The following HIP1 variants were observed in gnomAD, a reference collection of about 807,000 sequenced individuals.
The protein encoded by HIP1 is huntingtin interacting protein 1, also known as huntingtin-interacting protein 1.
In HIP1, 65 loss-of-function variants were observed where a neutral mutation model predicts 147.6. The observed-to-expected ratio is 0.44, with a 90% CI of 0.36 to 0.54. The LOEUF is 0.54. Ranked by LOEUF, HIP1 falls within the 20% of genes least tolerant of loss-of-function variation. The pLI is 0.00. For missense variants in HIP1, 1,061 were observed against 1,299.6 expected (o/e 0.82, Z 2.82); for synonymous variants, 479 against 504.0 (o/e 0.95, Z 0.67).
At position 75,534,854 on chromosome 7, in the gene HIP1, G is replaced by C. The variant is rs1378359744; in HGVS notation, c.*3318C>G. ...GTCGATCCTAAGCCATGATTTTGTTGCTGTCCCATCTTGTCATGACCCATT... is the reference window on the plus strand; with the variant it reads ...GTCGATCCTAAGCCATGATTTTGTTCCTGTCCCATCTTGTCATGACCCATT... On this transcript the variant is annotated 3_prime_UTR_variant, in exon 31 of 31. Coordinates refer to ENST00000336926, the MANE Select transcript of HIP1 (RefSeq NM_005338.7). 4.9e-6 allele frequency: 1 copy of C among 205,636 alleles called. No individual in the cohort carries two copies. Among genetic ancestry groups the C allele is most frequent in the Non-Finnish European group, 9.9e-6 (1 of 100,592 alleles). The allele number at this position is 205,636 out of a possible 1,614,324, so 12.7% of individuals were successfully genotyped here. A position where few individuals can be genotyped will look rare whatever the true frequency, so the allele number is the denominator to read the frequency against.
intron 29 of HIP1, among the ~76,000 whole-genome samples, chr7:75,541,134 C>T (rs1475498748): frequency 2.6e-5 from 4 of 151,828 alleles, no homozygotes; most frequent in African/African-American, 7.2e-5. Flanking sequence ...CGGTGGCTCA[C>T]GCCTGTAATC....
rs145305723 is a variant in HIP1 at position 75,578,452 on chromosome 7, C to CA, written c.604+2784dup. ...GCACTTTGGGAGGAAAAGGCAGGCACATCACTTGAGCTCAGGAGTTTGAGA... is the reference window on the plus strand; with the variant it reads ...GCACTTTGGGAGGAAAAGGCAGGCACAATCACTTGAGCTCAGGAGTTTGAGA... On this transcript the variant is annotated intron_variant, in intron 7 of 30. Coordinates refer to ENST00000336926, the MANE Select transcript of HIP1 (RefSeq NM_005338.7). 4.5e-3 allele frequency among the ~76,000 whole-genome samples: 688 copies of CA among 152,212 alleles called. 3 individuals are homozygous for CA. Among genetic ancestry groups the CA allele is most frequent in the African/African-American group, 0.016 (656 of 41,534 alleles).
intron 2 of HIP1, among the ~76,000 whole-genome samples, chr7:75,594,009 C>T (rs71560477): frequency 0.14 from 20,658 of 151,276 alleles, 1,808 homozygotes; most frequent in African/African-American, 0.25. Flanking sequence ...GGGTGGAGCG[C>T]GGTGGCTCAC....
At chr7:75,552,957 C>T (rs587722198) in intron 22 of HIP1, among the ~76,000 whole-genome samples, 13 of 141,588 alleles carry the variant, frequency 9.2e-5, no homozygotes, top group Admixed American at 1.4e-4. Context: ...TTTTTTTTTT[C>T]GAGATAGATC....
chr7:75,562,116 G>A lies in HIP1; in HGVS notation c.1075C>T (p.Pro359Ser), dbSNP rs184989138. The change falls in exon 12 of 31, where the codon CCC becomes TCC. Residue 359 changes from proline to serine, a missense_variant. Around this residue, in one of 3 missense-constraint regions of HIP1, gnomAD observed 810 missense variants for 946.8 expected, o/e 0.86. Coordinates refer to ENST00000336926, the MANE Select transcript of HIP1 (RefSeq NM_005338.7). ...DIFGSSFSSD[P>S]FNFNSQNGVN... ...CCATTTTGACTGTTGAAATTGAAGG[G>A]ATCACTGCTGAATGAACTGCCAAAG... 2 of 1,613,620 alleles carry A rather than the reference G, an allele frequency of 1.2e-6. No individual in the cohort carries two copies. The highest frequency in any genetic ancestry group is 2.2e-5 in the East Asian group (1 of 44,874).
intron 1 of HIP1, among the ~76,000 whole-genome samples, chr7:75,732,677 G>A (rs542634337): frequency 1.3e-5 from 2 of 152,232 alleles, no homozygotes; most frequent in South Asian, 2.1e-4. Flanking sequence ...CACTGCGCCC[G>A]GCTCACCCAA....
At position 75,582,144 on chromosome 7, in the gene HIP1, C is replaced by T. The variant is rs781900428; in HGVS notation, c.473G>A (p.Arg158Lys). The T allele has an allele frequency of 1.9e-6, 3 of 1,613,828 alleles. No individual in the cohort carries two copies. Among genetic ancestry groups the T allele is most frequent in the East Asian group, 4.5e-5 (2 of 44,862 alleles). The change falls in exon 6 of 31, where the codon AGG becomes AAG. Residue 158 changes from arginine (R) to lysine (K), a missense_variant. By Grantham distance (26) the Arg-to-Lys change is conservative (BLOSUM62 2). Coordinates refer to ENST00000336926, the MANE Select transcript of HIP1 (RefSeq NM_005338.7). ...ACTCATCTGCAGGTTGCCTGGGAAC[C>T]TGGGATTCTGGAAGGGAGGCAGAGG... ...TKMEYHTKNP[R>K]FPGNLQMSDR...
At chr7:75,549,731 A>G (rs1794710447) in intron 22 of HIP1, among the ~76,000 whole-genome samples, 1 of 151,812 alleles carries the variant, frequency 6.6e-6, no homozygotes, top group Admixed American at 6.6e-5. Flanking sequence ...GTGCAGTGGC[A>G]TGATCATAGC....
rs189665486 is a variant in HIP1 at position 75,592,834 on chromosome 7, C to T, written c.185-320G>A. 4.1e-4 allele frequency among the ~76,000 whole-genome samples: 62 copies of T among 152,268 alleles called. 1 individual carries two copies. Among genetic ancestry groups the T allele is most frequent in the African/African-American group, 1.0e-3 (42 of 41,554 alleles). The stretch of plus-strand genomic sequence containing the variant: ...AAATCCACTTGAGTAGACAATTTCC[C>T]GAGATGTAAGCGTCTTGAGAGAGAG... On this transcript the variant is annotated intron_variant, in intron 2 of 30. Transcript: ENST00000336926.
At chr7:75,667,987 C>A (rs1799612669) in intron 1 of HIP1, among the ~76,000 whole-genome samples, 1 of 152,156 alleles carries the variant, frequency 6.6e-6, no homozygotes, top group African/African-American at 2.4e-5. Flanking sequence ...TGATGAATAT[C>A]TCAAGCCCCT....
chr7:75,640,158 G>A (rs1022878943), intron 1 of HIP1, among the ~76,000 whole-genome samples: 3 of 152,206 alleles, frequency 2.0e-5, no homozygotes, highest in African/African-American at 7.2e-5. Flanking sequence ...AAAAAGCCTG[G>A]CCATTCAAGC....
intron 29 of HIP1, among the ~76,000 whole-genome samples, chr7:75,540,744 T>TG (rs1292077471): frequency 6.6e-6 from 1 of 152,186 alleles, no homozygotes; most frequent in African/African-American, 2.4e-5. Context: ...ATCTCGCTGA[T>TG]ACCTATTTTA....
intron 1 of HIP1, among the ~76,000 whole-genome samples, chr7:75,731,389 G>T (rs1801831679): frequency 6.7e-6 from 1 of 148,258 alleles, no homozygotes; most frequent in African/African-American, 2.5e-5. Flanking sequence ...AAGCTGAGGT[G>T]AGAGAACCAC....
At chr7:75,687,120 C>T (rs1461622578) in intron 1 of HIP1, among the ~76,000 whole-genome samples, 1 of 152,128 alleles carries the variant, frequency 6.6e-6, no homozygotes, top group Non-Finnish European at 1.5e-5. Context: ...GACATTTGTA[C>T]AGCACTTGAC....
At chr7:75,690,270 TCACACA>T (rs66973060) in intron 1 of HIP1, among the ~76,000 whole-genome samples, 6,496 of 149,526 alleles carry the variant, frequency 0.043, 140 homozygotes, top group Middle Eastern at 0.061. Flanking sequence ...TGAGACTTTG[TCACACA>T]CACACACACA....
At position 75,542,863 on chromosome 7, in the gene HIP1, T is replaced by C. The variant is rs1794387896; in HGVS notation, c.2878A>G (p.Ile960Val). 1 of 1,613,876 alleles carries C rather than the reference T, an allele frequency of 6.2e-7. No individual in the cohort carries two copies. Among genetic ancestry groups the C allele is most frequent in the African/African-American group, 1.3e-5 (1 of 74,882 alleles). The change falls in exon 28 of 31, where the codon ATC (isoleucine) becomes GTC (valine). Residue 960 changes from isoleucine to valine, a missense_variant. Coordinates refer to ENST00000336926, the MANE Select transcript of HIP1 (RefSeq NM_005338.7). ...VASTISGKSQIEETDNMDFSS... is the reference protein window; with the variant it reads ...VASTISGKSQVEETDNMDFSS... ...TTGGAAAGGCTACCTGTCTCTTCGA[T>C]CTGTGATTTGCCGGAAATGGTTGAG...
chr7:75,643,050 C>T (rs1026500100), intron 1 of HIP1, among the ~76,000 whole-genome samples: 1 of 152,176 alleles, frequency 6.6e-6, no homozygotes, highest in African/African-American at 2.4e-5. Flanking sequence ...GTGAGGTGGG[C>T]GTGTCTTGGT....
At chr7:75,672,967 C>T (rs1262697190) in intron 1 of HIP1, among the ~76,000 whole-genome samples, 31 of 151,952 alleles carry the variant, frequency 2.0e-4, no homozygotes, top group Admixed American at 2.0e-3. Context: ...ATGCCAGTAA[C>T]ACCACTTTGA....
Position 75,685,588 on chromosome 7 carries a change from G to A in HIP1, c.120+53213C>T, listed in dbSNP as rs565028256. The stretch of plus-strand genomic sequence containing the variant: ...TGTGAGACGAAGTCTCGCTCTTGTC[G>A]CCCAGGCTGGAGTGCAATGGTGCAA... On this transcript the variant is annotated intron_variant, in intron 1 of 30. Transcript: ENST00000336926. Among the ~76,000 whole-genome samples the A allele has an allele frequency of 4.6e-5, 7 of 152,244 alleles. 1 individual carries two copies. Among genetic ancestry groups the A allele is most frequent in the South Asian group, 4.1e-4 (2 of 4,828 alleles).
Sources: allele counts gnomAD v4.1 joint callset (sites outside exome capture counted in the v4.1 genomes callset), GRCh38; gene constraint gnomAD v4.1.1; regional missense constraint gnomAD v4.1.1; transcripts MANE v1.5; gene names NCBI Gene and HGNC (gene_info 2026-07-23, HGNC 2026-07-21).